The following LINGO1 variants were observed in gnomAD, a reference collection of about 807,000 sequenced individuals.
LINGO1 encodes leucine-rich repeat and immunoglobulin-like domain-containing nogo receptor-interacting protein 1.
LINGO1 carries 11 observed loss-of-function variants against 37.3 expected under a neutral mutation model. The observed-to-expected ratio is 0.29, with a 90% CI of 0.19 to 0.49. The LOEUF is 0.49. Among genes scored for constraint, LINGO1 ranks in the 20% least tolerant of loss-of-function variants. The pLI, the probability that LINGO1 is intolerant of heterozygous loss-of-function variation, is 0.99. For missense variants in LINGO1, 585 were observed against 878.2 expected, an observed-to-expected ratio of 0.67 and a Z score of 4.22; for synonymous variants, 387 against 403.0, an observed-to-expected ratio of 0.96 and a Z score of 0.48.
chr15:77,679,426 T>C (rs574013000), intron 2 of LINGO1, among the ~76,000 whole-genome samples: 1 of 152,316 alleles, frequency 6.6e-6, no homozygotes, highest in Non-Finnish European at 1.5e-5. Context: ...ATGATGACGA[T>C]GATGGTGGTG....
rs1244659982 is a variant in LINGO1 at position 77,646,791 on chromosome 15, C to T, written c.-13+30298G>A. 2.0e-5 allele frequency among the ~76,000 whole-genome samples: 3 copies of T among 152,326 alleles called. No homozygotes were observed. The East Asian group carries it at 5.8e-4, about 29-fold the overall frequency. The stretch of plus-strand genomic sequence containing the variant: ...TGACAGCCAGGGAGGGTGGGCTCTT[C>T]TCAACTGTGCCCAGAAAGGAGGCCT... On this transcript the variant is annotated intron_variant, in intron 3 of 3. Coordinates refer to the LINGO1 transcript ENST00000559893.
intron 2 of LINGO1, among the ~76,000 whole-genome samples, chr15:77,795,380 A>T (rs2076864693): frequency 6.6e-6 from 1 of 152,160 alleles, no homozygotes; most frequent in Non-Finnish European, 1.5e-5. Context: ...CCAAGAACAC[A>T]TCTCCTCTGT....
intron 3 of LINGO1, among the ~76,000 whole-genome samples, chr15:77,647,673 T>A (rs1460651406): frequency 6.6e-6 from 1 of 152,150 alleles, no homozygotes; most frequent in East Asian, 1.9e-4. Context: ...CTGAGTGCTG[T>A]TCCAGGCAGC....
chr15:77,668,202 T>G (rs755208740), intron 3 of LINGO1: 1 of 152,314 alleles, frequency 6.6e-6, no homozygotes, highest in Non-Finnish European at 1.5e-5. Context: ...GCTGAGCAAC[T>G]GGAAGGCACC....
At chr15:77,706,223 A>C (rs2075850646) in intron 2 of LINGO1, among the ~76,000 whole-genome samples, 1 of 151,996 alleles carries the variant, frequency 6.6e-6, no homozygotes. Context: ...CCAGCTGCCC[A>C]AACCAGAAAC....
upstream of LINGO1, among the ~76,000 whole-genome samples, chr15:77,699,185 C>T (rs1012470010): frequency 6.6e-6 from 1 of 151,900 alleles, no homozygotes; most frequent in Admixed American, 6.6e-5. Context: ...CCTTGGTAGT[C>T]CCCTCGTTTC....
upstream of LINGO1, among the ~76,000 whole-genome samples, chr15:77,636,218 A>C (rs1408294321): frequency 6.6e-6 from 1 of 152,164 alleles, no homozygotes; most frequent in Non-Finnish European, 1.5e-5. Flanking sequence ...AGGAGGCAGG[A>C]GGTGGAGCTG....
chr15:77,633,672 G>A (rs1253397512), upstream of LINGO1, among the ~76,000 whole-genome samples: 3 of 152,240 alleles, frequency 2.0e-5, no homozygotes, highest in Non-Finnish European at 4.4e-5. Flanking sequence ...GTGGCCAGCA[G>A]AGGGCAGCGC....
intron 1 of LINGO1, among the ~76,000 whole-genome samples, chr15:77,778,084 T>C (rs901614064): frequency 1.3e-5 from 2 of 152,184 alleles, no homozygotes; most frequent in East Asian, 3.8e-4. Flanking sequence ...AACCAAAGTG[T>C]TGGGGGGACT....
intron 1 of LINGO1, among the ~76,000 whole-genome samples, chr15:77,778,408 G>A (rs1166367897): frequency 6.6e-6 from 1 of 152,164 alleles, no homozygotes; most frequent in Non-Finnish European, 1.5e-5. Flanking sequence ...ATCATTGAAA[G>A]CCACTGTTTT....
chr15:77,652,543 G>A (rs535728229), intron 3 of LINGO1, among the ~76,000 whole-genome samples: 5 of 123,222 alleles, frequency 4.1e-5, no homozygotes, highest in Admixed American at 1.6e-4. Context: ...GCCAGAATAC[G>A]GAAATCACAT....
intron 2 of LINGO1, among the ~76,000 whole-genome samples, chr15:77,705,174 GACAC>G (rs72451354): frequency 1.1e-4 from 11 of 99,112 alleles, no homozygotes; most frequent in East Asian, 7.1e-4. Flanking sequence ...CCCCTGCCAT[GACAC>G]ACACACACAC....
intron 1 of LINGO1, among the ~76,000 whole-genome samples, chr15:77,624,036 G>A (rs1326511554): frequency 6.7e-6 from 1 of 149,612 alleles, no homozygotes; most frequent in African/African-American, 2.5e-5. Context: ...GTCACTGTGT[G>A]AGTGTGGTGT....
chr15:77,687,111 A>G (rs781228427), intron 2 of LINGO1, among the ~76,000 whole-genome samples: 2 of 152,118 alleles, frequency 1.3e-5, no homozygotes, highest in Non-Finnish European at 2.9e-5. Flanking sequence ...ACCAGGATCA[A>G]GGTTAAGTCT....
chr15:77,649,993 C>G (rs2074723900), intron 3 of LINGO1, among the ~76,000 whole-genome samples: 1 of 152,244 alleles, frequency 6.6e-6, no homozygotes, highest in African/African-American at 2.4e-5. Flanking sequence ...CAATGCCCCC[C>G]AAATCCCAAG....
upstream of LINGO1, among the ~76,000 whole-genome samples, chr15:77,633,013 ATGGTGG>A (rs924022350): frequency 9.2e-6 from 1 of 108,312 alleles, no homozygotes; most frequent in Non-Finnish European, 1.9e-5. Context: ...AAACCTGGTG[ATGGTGG>A]TGGTGGGGTG....
intron 1 of LINGO1, among the ~76,000 whole-genome samples, chr15:77,768,351 G>A (rs1421982765): frequency 6.6e-6 from 1 of 152,176 alleles, no homozygotes; most frequent in Non-Finnish European, 1.5e-5. Flanking sequence ...CCCCGCCAGA[G>A]GCCTCCTGAA....
chr15:77,760,916 CTTTTTT>C (rs34524098), intron 1 of LINGO1, among the ~76,000 whole-genome samples: 10 of 96,400 alleles, frequency 1.0e-4, no homozygotes, highest in African/African-American at 2.0e-4. Context: ...TAATAAGTAT[CTTTTTT>C]TTTTTTTTTT....
rs1328402617 is a variant in LINGO1, at chr15:77,614,639, C to T, written c.1268G>A (p.Arg423His). Residue 423 changes from arginine (R) to histidine (H), a missense_variant, in exon 2 of 2, where the codon CGC (arginine) becomes CAC (histidine). This residue lies in a region of LINGO1 where 484 missense variants were observed against 735.0 expected (regional missense o/e 0.66). Coordinates refer to ENST00000355300, the MANE Select transcript of LINGO1 (RefSeq NM_032808.7). Reference protein sequence around the residue: ...VLLPNYFTCRRARIRDRKAQQ... With the variant: ...VLLPNYFTCRHARIRDRKAQQ... ...GGCCTTGCGGTCCCGGATGCGGGCG[C>T]GGCGGCAGGTGAAGTAGTTGGGCAG... 1.6e-5 allele frequency: 25 copies of T among 1,611,504 alleles called. No individual in the cohort carries two copies. Among genetic ancestry groups the T allele is most frequent in the South Asian group, 7.7e-5 (7 of 90,766 alleles).
Sources: gnomAD v4.1 joint callset for allele counts (sites outside exome capture counted in the v4.1 genomes callset) on GRCh38, gnomAD v4.1.1 for gene constraint, gnomAD v4.1.1 regional missense constraint, MANE v1.5 for transcripts, NCBI Gene and HGNC (gene_info 2026-07-23, HGNC 2026-07-21) for gene names.